The following UTP14C variants were observed in gnomAD, a reference collection of about 807,000 sequenced individuals.
UTP14C encodes U3 small nucleolar RNA-associated protein 14 homolog C.
A neutral mutation model predicts 14.6 loss-of-function variants in UTP14C; 10 were observed. The ratio of observed to expected loss-of-function variants is 0.68; its 90% confidence interval spans 0.42 to 1.16. UTP14C has a LOEUF of 1.16. UTP14C is among the 50% of genes most tolerant of loss of function. The pLI, the probability that UTP14C is intolerant of heterozygous loss-of-function variation, is 0.00. For synonymous variants in UTP14C, 315 were observed against 331.6 expected (o/e 0.95, Z 0.54); for missense variants, 818 against 890.8 (o/e 0.92, Z 1.04).
intron 1 of UTP14C, 96 bp downstream of exon 1, chr13:52,025,033 C>T: frequency 7.4e-7 from 1 of 1,353,512 alleles, no homozygotes; most frequent in Non-Finnish European, 1.0e-6. Flanking sequence ...CTGCATCATG[C>T]CCTAATTCTC....
Position 52,029,957 on chromosome 13 carries a change from G to A in UTP14C, c.1153G>A (p.Ala385Thr), listed in dbSNP as rs537282217. 6.2e-7 allele frequency: 1 copy of A among 1,614,230 alleles called. No homozygotes were observed. The highest frequency in any genetic ancestry group is 2.2e-5 in the East Asian group (1 of 44,882). The change falls in exon 2 of 2, where the codon GCT (alanine) becomes ACT (threonine). Residue 385 changes from alanine (A) to threonine (T), a missense_variant. By Grantham distance (58) the Ala-to-Thr change is moderately conservative. Coordinates refer to ENST00000521776, the MANE Select transcript of UTP14C (RefSeq NM_021645.6). ...FRSCTSDTKEAATQEDPEQVP... is the reference protein window; with the variant it reads ...FRSCTSDTKETATQEDPEQVP... ...GAGCTGCACCAGTGACACCAAAGAGGCTGCAACACAGGAGGACCCTGAGCA... is the reference window on the plus strand; with the variant it reads ...GAGCTGCACCAGTGACACCAAAGAGACTGCAACACAGGAGGACCCTGAGCA...
rs41292796 is a variant in UTP14C at position 52,030,197 on chromosome 13, T to C, written c.1393T>C (p.Leu465=). 7.1e-4 allele frequency: 1,140 copies of C among 1,613,828 alleles called. No individual in the cohort carries two copies. The highest frequency in any genetic ancestry group is 9.0e-4 in the Non-Finnish European group (1,064 of 1,180,002). Residue 465 remains leucine, a synonymous_variant, in exon 2 of 2, where the codon TTG becomes CTG. Coordinates refer to ENST00000521776, the MANE Select transcript of UTP14C (RefSeq NM_021645.6). ...LSELRALSQK[L]KEKHQSRKQK... ...CGAATTGAGGGCACTATCTCAGAAATTGAAGGAAAAACATCAGTCCAGGAA... is the reference window on the plus strand; with the variant it reads ...CGAATTGAGGGCACTATCTCAGAAACTGAAGGAAAAACATCAGTCCAGGAA...
rs1283006373 is a variant in UTP14C, at chr13:52,033,519, TCTC to T, written c.*2417_*2419del. The T allele has an allele frequency of 6.0e-6, 1 of 167,104 alleles. No individual in the cohort carries two copies. The highest frequency in any genetic ancestry group is 2.4e-5 in the African/African-American group (1 of 41,454). The allele number at this position is 167,104 out of a possible 1,614,324, so 10.4% of individuals were successfully genotyped here. On this transcript the variant is annotated 3_prime_UTR_variant, in exon 2 of 2. Coordinates refer to ENST00000521776, the MANE Select transcript of UTP14C (RefSeq NM_021645.6). ...TATATGCCTCACATAGTCTCCTTGT[TCTC>T]CTACTAATATTCCCAAGCTCCATAT...
rs1954239628 is a variant in UTP14C, at chr13:52,026,252, G to GA, written c.-487+1316dup. Among the ~76,000 whole-genome samples the GA allele has an allele frequency of 1.3e-5, 2 of 152,348 alleles. 1 individual carries two copies. Among genetic ancestry groups the GA allele is most frequent in the South Asian group, 4.1e-4 (2 of 4,830 alleles). ...AATAGAGGTTAGCCAGGAGAGAGGG[G>GA]AGAGTCTCCAGCAGAGGGAACAGCA... On this transcript the variant is annotated intron_variant, in intron 1 of 1. Transcript: ENST00000521776.
chr13:52,024,804 A>C lies in UTP14C; in HGVS notation c.-620A>C. On this transcript the variant is annotated 5_prime_UTR_variant, in exon 1 of 2. Coordinates refer to ENST00000521776, the MANE Select transcript of UTP14C (RefSeq NM_021645.6). ...ATGAACTTAGGGTAAACCAACTGAGAAGGCTGTCTGAGGATTTAGGAGTTC... is the reference window on the plus strand; with the variant it reads ...ATGAACTTAGGGTAAACCAACTGAGCAGGCTGTCTGAGGATTTAGGAGTTC... The C allele has an allele frequency of 1.2e-6, 2 of 1,614,184 alleles. No homozygotes were observed. Among genetic ancestry groups the C allele is most frequent in the Non-Finnish European group, 1.7e-6 (2 of 1,180,006 alleles).
At position 52,033,371 on chromosome 13, in the gene UTP14C, A is replaced by G. The variant is rs889467045; in HGVS notation, c.*2266A>G. The G allele has an allele frequency of 1.8e-5, 3 of 167,038 alleles. No individual in the cohort carries two copies. Among genetic ancestry groups the G allele is most frequent in the African/African-American group, 7.2e-5 (3 of 41,418 alleles). 10.3% of individuals were successfully genotyped at this position (167,038 alleles called of 1,614,324 possible). On this transcript the variant is annotated 3_prime_UTR_variant, in exon 2 of 2. Transcript: ENST00000521776. ...AGGTTTTGTGTAATAATTATTTGTAAATATTATTTAGATTTGTATTTAGAC... is the reference window on the plus strand; with the variant it reads ...AGGTTTTGTGTAATAATTATTTGTAGATATTATTTAGATTTGTATTTAGAC...
At position 52,028,703 on chromosome 13, in the gene UTP14C, G is replaced by C; in HGVS notation, c.-102G>C. ...TCAAATCATTTTACTTTAGAAAACA[G>C]ACAAAATTTCCTTTTAGAATAAAAG... is the stretch of plus-strand genomic sequence containing the variant. On this transcript the variant is annotated 5_prime_UTR_variant, in exon 2 of 2. Transcript: ENST00000521776. The C allele has an allele frequency of 1.3e-6, 2 of 1,576,380 alleles. No individual in the cohort carries two copies. Among genetic ancestry groups the C allele is most frequent in the Non-Finnish European group, 1.7e-6 (2 of 1,154,916 alleles).
At chr13:52,028,203 AT>A (rs1165172147) in intron 1 of UTP14C, 115 bp from the exon 2 acceptor site, 1 of 1,232,762 alleles carries the variant, frequency 8.1e-7, no homozygotes, top group Non-Finnish European at 1.2e-6. Context: ...CTAGACATAC[AT>A]TTAATTAAGT....
At position 52,024,792 on chromosome 13, in the gene UTP14C, A is replaced by G. The variant is rs768749646; in HGVS notation, c.-632A>G. The G allele has an allele frequency of 1.2e-6, 2 of 1,614,188 alleles. No homozygotes were observed. The highest frequency in any genetic ancestry group is 2.2e-5 in the South Asian group (2 of 91,072). On this transcript the variant is annotated 5_prime_UTR_variant, in exon 1 of 2. An upstream open reading frame in the 5' UTR loses its in-frame stop. Coordinates refer to ENST00000521776, the MANE Select transcript of UTP14C (RefSeq NM_021645.6). ...GTAACAAAGATGATGAACTTAGGGT[A>G]AACCAACTGAGAAGGCTGTCTGAGG...
Position 52,024,712 on chromosome 13 carries a change from A to G in UTP14C, c.-712A>G. ...CAGAGCCTTTGCTAAATTGCTGAAT[A>G]AGAAGATGGTTGAGTCACCTCCTTC... is the stretch of plus-strand genomic sequence containing the variant. On this transcript the variant is annotated 5_prime_UTR_variant, in exon 1 of 2. In the 5' UTR this introduces an upstream ATG that the reference lacks. Transcript: ENST00000521776. The G allele has an allele frequency of 6.2e-7, 1 of 1,614,236 alleles. No individual in the cohort carries two copies. The highest frequency in any genetic ancestry group is 8.5e-7 in the Non-Finnish European group (1 of 1,180,032).
chr13:52,028,249 T>C (rs1954260619), intron 1 of UTP14C, 70 bp from the exon 2 acceptor site: 1 of 1,588,230 alleles, frequency 6.3e-7, no homozygotes, highest in South Asian at 1.1e-5. Flanking sequence ...TGAAGATTTC[T>C]ATTCATCCTC....
chr13:52,030,506 C>T lies in UTP14C; in HGVS notation c.1702C>T (p.Pro568Ser), dbSNP rs1954291054. The T allele has an allele frequency of 6.2e-7, 1 of 1,614,192 alleles. No homozygotes were observed. The highest frequency in any genetic ancestry group is 1.1e-5 in the South Asian group (1 of 91,082). ...NLQNFLTTQS[P>S]SVRSLAVPTI... is the part of the protein sequence containing the mutation. Reference sequence around the variant, plus strand: ...ACAGAACTTCCTGACCACACAGTCTCCTTCCGTGAGGTCTTTGGCAGTTCC... The same window carrying T: ...ACAGAACTTCCTGACCACACAGTCTTCTTCCGTGAGGTCTTTGGCAGTTCC... Residue 568 changes from proline (P) to serine (S), a missense_variant, in exon 2 of 2, where the codon CCT (proline) becomes TCT (serine). Pro to Ser is a moderately conservative substitution (Grantham distance 74). Coordinates refer to ENST00000521776, the MANE Select transcript of UTP14C (RefSeq NM_021645.6).
In UTP14C at chr13:52,030,024, C is replaced by A. The variant is rs1341755406; in HGVS notation, c.1220C>A (p.Ala407Glu). The A allele has an allele frequency of 1.2e-6, 2 of 1,614,156 alleles. No homozygotes were observed. The highest frequency in any genetic ancestry group is 4.5e-5 in the East Asian group (2 of 44,876). ...LAAHEVSASE[A>E]EERPVAEEEI... ...GCTCATGAGGTTTCTGCAAGTGAGGCAGAAGAAAGACCAGTGGCAGAGGAA... is the reference window on the plus strand; with the variant it reads ...GCTCATGAGGTTTCTGCAAGTGAGGAAGAAGAAAGACCAGTGGCAGAGGAA... Residue 407 changes from alanine to glutamate, a missense_variant, in exon 2 of 2, where the codon GCA becomes GAA. Physicochemically the swap from Ala to Glu is moderately radical, Grantham distance 107. Transcript: ENST00000521776.
intron 1 of UTP14C, among the ~76,000 whole-genome samples, chr13:52,027,144 A>G (rs1391922777): frequency 6.6e-6 from 1 of 152,204 alleles, no homozygotes; most frequent in African/African-American, 2.4e-5. Context: ...GAGAAGTAGA[A>G]GCAAAAGTCA....
rs771366804 is a variant in UTP14C at position 52,030,065 on chromosome 13, G to C, written c.1261G>C (p.Glu421Gln). ...PVAEEEILLR[E>Q]FEERQSLRKR... ...GGCAGAGGAAGAAATTTTGTTGAGA[G>C]AATTTGAGGAAAGGCAATCCCTTAG... The change falls in exon 2 of 2, where the codon GAA (glutamate) becomes CAA (glutamine). Residue 421 changes from glutamate to glutamine, a missense_variant. By Grantham distance (29) the Glu-to-Gln change is conservative. Coordinates refer to ENST00000521776, the MANE Select transcript of UTP14C (RefSeq NM_021645.6). 24 of 1,614,092 alleles carry C rather than the reference G, an allele frequency of 1.5e-5. No homozygotes were observed. Among genetic ancestry groups the C allele is most frequent in the Admixed American group, 1.7e-5 (1 of 60,006 alleles).
rs750603127 is a variant in UTP14C at position 52,028,930 on chromosome 13, T to C, written c.126T>C (p.His42=). Residue 42 remains histidine, a synonymous_variant, in exon 2 of 2, where the codon CAT becomes CAC. Transcript: ENST00000521776. ...DEGDSDGERK[H]QKLLEAIISL... is the part of the protein sequence containing the mutation. ...GGGACAGTGATGGAGAGAGAAAGCATCAAAAGCTTCTGGAAGCAATCATTT... is the reference window on the plus strand; with the variant it reads ...GGGACAGTGATGGAGAGAGAAAGCACCAAAAGCTTCTGGAAGCAATCATTT... 6.2e-7 allele frequency: 1 copy of C among 1,614,158 alleles called. No homozygotes were observed. Among genetic ancestry groups the C allele is most frequent in the South Asian group, 1.1e-5 (1 of 91,090 alleles).
chr13:52,029,511 A>C lies in UTP14C; in HGVS notation c.707A>C (p.Tyr236Ser). ...LQRARALQSY[Y>S]EAKARKEKKI... Reference sequence around the variant, plus strand: ...AGGGCTCGGGCTCTGCAGTCCTACTATGAGGCCAAGGCTCGAAAAGAGAAG... The same window carrying C: ...AGGGCTCGGGCTCTGCAGTCCTACTCTGAGGCCAAGGCTCGAAAAGAGAAG... The change falls in exon 2 of 2, where the codon TAT becomes TCT. Residue 236 changes from tyrosine to serine, a missense_variant. Coordinates refer to ENST00000521776, the MANE Select transcript of UTP14C (RefSeq NM_021645.6). The C allele has an allele frequency of 6.2e-7, 1 of 1,614,228 alleles. No individual in the cohort carries two copies. The highest frequency in any genetic ancestry group is 8.5e-7 in the Non-Finnish European group (1 of 1,180,032).
intron 1 of UTP14C, among the ~76,000 whole-genome samples, chr13:52,028,100 A>G (rs1954259143): frequency 6.6e-6 from 1 of 152,196 alleles, no homozygotes; most frequent in Non-Finnish European, 1.5e-5. Context: ...CTCTTAAAAA[A>G]AAAAAAGTGA....
At position 52,030,019 on chromosome 13, in the gene UTP14C, T is replaced by A; in HGVS notation, c.1215T>A (p.Ser405Arg). ...PELAAHEVSA[S>R]EAEERPVAEE... The stretch of plus-strand genomic sequence containing the variant: ...TTGCAGCTCATGAGGTTTCTGCAAG[T>A]GAGGCAGAAGAAAGACCAGTGGCAG... The change falls in exon 2 of 2, where the codon AGT becomes AGA. Residue 405 changes from serine (S) to arginine (R), a missense_variant. By Grantham distance (110) the Ser-to-Arg change is moderately radical. Transcript: ENST00000521776. 3.1e-6 allele frequency: 5 copies of A among 1,614,164 alleles called. No homozygotes were observed. The highest frequency in any genetic ancestry group is 4.2e-6 in the Non-Finnish European group (5 of 1,180,026).
Sources: allele counts gnomAD v4.1 joint callset (sites outside exome capture counted in the v4.1 genomes callset), GRCh38; gene constraint gnomAD v4.1.1; transcripts MANE v1.5; gene names NCBI Gene and HGNC (gene_info 2026-07-23, HGNC 2026-07-21).